Variants in MYO1H observed in about 807,000 individuals in gnomAD.
The protein encoded by MYO1H is myosin IH.
In MYO1H, 118 loss-of-function variants were observed where a neutral mutation model predicts 149.3. That is an observed-to-expected ratio of 0.79 (90% CI 0.68 to 0.92). MYO1H has a LOEUF of 0.92. Ranked by LOEUF, MYO1H falls within the 40% of genes least tolerant of loss-of-function variation. MYO1H has a pLI of 0.00. For missense variants in MYO1H, 1,212 were observed against 1,280.7 expected (o/e 0.95, Z 0.82); for synonymous variants, 447 against 465.2 (o/e 0.96, Z 0.50).
the MYO1H span, among the ~76,000 whole-genome samples, chr12:109,341,636 G>T: frequency 2.0e-5 from 3 of 152,178 alleles, no homozygotes; most frequent in Non-Finnish European, 4.4e-5. Context: ...AAAGCAGCAG[G>T]TGGGCTAGCC....
chr12:109,434,389 G>C (rs1055865391), intron 20 of MYO1H, among the ~76,000 whole-genome samples: 4 of 152,184 alleles, frequency 2.6e-5, no homozygotes, highest in Admixed American at 6.5e-5. Flanking sequence ...AGCTACTCGG[G>C]AGTCTGAGGC....
intron 1 of MYO1H, among the ~76,000 whole-genome samples, chr12:109,383,378 C>T (rs975285749): frequency 6.6e-6 from 1 of 152,204 alleles, no homozygotes; most frequent in African/African-American, 2.4e-5. Context: ...CTGCTGTCCT[C>T]CCAGTGGAAA....
chr12:109,392,989 T>C (rs988238736), intron 2 of MYO1H, among the ~76,000 whole-genome samples: 1 of 151,742 alleles, frequency 6.6e-6, no homozygotes, highest in African/African-American at 2.4e-5. Context: ...TTTTGTATTT[T>C]TAGTAGAGAT....
chr12:109,429,131 C>T (rs1375327350), intron 19 of MYO1H, among the ~76,000 whole-genome samples: 5 of 152,146 alleles, frequency 3.3e-5, no homozygotes, highest in South Asian at 2.1e-4. Context: ...CATTTGAACC[C>T]GGGAGGCAGA....
chr12:109,413,814 G>T (rs1335791350), intron 14 of MYO1H, among the ~76,000 whole-genome samples: 1 of 152,142 alleles, frequency 6.6e-6, no homozygotes, highest in Non-Finnish European at 1.5e-5. Flanking sequence ...GGAGGCTGAG[G>T]CAGGAGAATC....
chr12:109,397,687 G>A lies in MYO1H; in HGVS notation c.490-45G>A, dbSNP rs567052999. The A allele has an allele frequency of 9.4e-6, 14 of 1,496,310 alleles. No individual in the cohort carries two copies. In the African/African-American group the frequency reaches 1.2e-4, roughly 13 times the overall value. The allele number at this position is 1,496,310 out of a possible 1,614,324, so 92.7% of individuals were successfully genotyped here. A position where few individuals can be genotyped will look rare whatever the true frequency, so the allele number is the denominator to read the frequency against. On this transcript the variant is annotated intron_variant, in intron 4 of 31. Coordinates refer to ENST00000310903, the Ensembl canonical transcript of MYO1H. Reference sequence around the variant, plus strand: ...TTATTTGGGGTCAGGAATTTGATACGCATGGTGAGCTTAAATGACAGTGAA... The same window carrying A: ...TTATTTGGGGTCAGGAATTTGATACACATGGTGAGCTTAAATGACAGTGAA...
chr12:109,409,243 C>CTT (rs1870546238), intron 10 of MYO1H, among the ~76,000 whole-genome samples: 34 of 59,066 alleles, frequency 5.8e-4, no homozygotes, highest in African/African-American at 1.5e-3. Flanking sequence ...TCTTCTTCTT[C>CTT]TTCTTTTTTT....
chr12:109,345,085 G>T (rs189056368), upstream of MYO1H, among the ~76,000 whole-genome samples: 10 of 152,074 alleles, frequency 6.6e-5, no homozygotes, highest in East Asian at 1.3e-3. Flanking sequence ...GAAACCAAAG[G>T]TAAAAAAATA....
At chr12:109,401,688 T>G (rs774352362) in intron 6 of MYO1H, among the ~76,000 whole-genome samples, 1 of 152,130 alleles carries the variant, frequency 6.6e-6, no homozygotes, top group African/African-American at 2.4e-5. Flanking sequence ...AGAAACTCAC[T>G]GTCCAACTAT....
At chr12:109,393,234 T>A in intron 2 of MYO1H, 97 bp from the exon 3 acceptor site, 1 of 767,042 alleles carries the variant, frequency 1.3e-6, no homozygotes. Flanking sequence ...TTTATCATTT[T>A]AAATCCTCCA....
chr12:109,439,844 G>A (rs1702932210), intron 24 of MYO1H, 54 bp downstream of exon 24: 6 of 1,517,572 alleles, frequency 4.0e-6, no homozygotes, highest in Non-Finnish European at 5.5e-6. Context: ...CACTGACGAA[G>A]CTTAACTCTT....
chr12:109,442,231 A>G, exon 27 of MYO1H: 1 of 1,613,904 alleles, frequency 6.2e-7, no homozygotes, highest in Non-Finnish European at 8.5e-7. Context: ...AGGAGACATT[A>G]ATCCGAAAGT....
Position 109,412,005 on chromosome 12 carries a change from A to G in MYO1H, c.1502+20A>G. ...CGAAACGTACATACTTTATTTTACC[A>G]GATTTTGCATGGGGGAAGATGATTG... On this transcript the variant is annotated intron_variant, in intron 14 of 31. Coordinates refer to ENST00000310903, the Ensembl canonical transcript of MYO1H. 1 of 1,529,268 alleles carries G rather than the reference A, an allele frequency of 6.5e-7. No homozygotes were observed. The highest frequency in any genetic ancestry group is 8.9e-7 in the Non-Finnish European group (1 of 1,127,334). The allele number at this position is 1,529,268 out of a possible 1,614,324, so 94.7% of individuals were successfully genotyped here.
intron 20 of MYO1H, among the ~76,000 whole-genome samples, chr12:109,434,723 C>CTAA (rs1871785065): frequency 1.3e-5 from 2 of 152,196 alleles, no homozygotes; most frequent in African/African-American, 4.8e-5. Flanking sequence ...CTGCGGGAGC[C>CTAA]TCTTTTAGCT....
intron 1 of MYO1H, among the ~76,000 whole-genome samples, chr12:109,384,716 G>A (rs1359905170): frequency 1.3e-5 from 2 of 152,156 alleles, no homozygotes; most frequent in African/African-American, 2.4e-5. Context: ...AATCTACAAG[G>A]TTTTGTCAAA....
chr12:109,439,390 C>T (rs1197048547), intron 23 of MYO1H: 3 of 393,598 alleles, frequency 7.6e-6, no homozygotes, highest in Admixed American at 3.9e-5. Context: ...TGAAATCTGG[C>T]TTTTATGCCC....
rs1872348239 is a variant in MYO1H at position 109,443,659 on chromosome 12, G to A, written c.2824+10G>A. ...TACTCAGCTCTCAAAGGTAAGAAGT[G>A]GGCAATCTTTAAAACAATGCACTGA... On this transcript the variant is annotated intron_variant, in intron 28 of 31. Coordinates refer to ENST00000310903, the Ensembl canonical transcript of MYO1H. 10 of 1,613,234 alleles carry A rather than the reference G, an allele frequency of 6.2e-6. No individual in the cohort carries two copies. Among genetic ancestry groups the A allele is most frequent in the Non-Finnish European group, 8.5e-6 (10 of 1,179,692 alleles).
chr12:109,333,383 C>T, the MYO1H span, among the ~76,000 whole-genome samples: 1 of 152,036 alleles, frequency 6.6e-6, no homozygotes, highest in African/African-American at 2.4e-5. Context: ...CGTGTCCTCT[C>T]TGAGGACTCA....
At chr12:109,325,002 G>A in the MYO1H span, among the ~76,000 whole-genome samples, 5,833 of 152,218 alleles carry the variant, frequency 0.038, 311 homozygotes, top group East Asian at 0.15. Context: ...TTAGTTTGCT[G>A]AGAATGATGA....
Sources: allele counts gnomAD v4.1 joint callset (sites outside exome capture counted in the v4.1 genomes callset), GRCh38; gene constraint gnomAD v4.1.1; transcripts MANE v1.5; gene names NCBI Gene and HGNC (gene_info 2026-07-23, HGNC 2026-07-21).